TRPS1: variants seen among roughly 807,000 people sequenced by gnomAD.
TRPS1 encodes transcriptional repressor GATA binding 1, also known as zinc finger transcription factor Trps1.
Under a neutral mutation model 101.2 loss-of-function variants are expected in TRPS1, and 6 were observed. The observed-to-expected ratio is 0.06, with a 90% CI of 0.03 to 0.12. The LOEUF is 0.12. Among genes scored for constraint, TRPS1 ranks in the 10% least tolerant of loss-of-function variants. The probability of loss-of-function intolerance (pLI) is 1.00; values close to 1 mark genes in which losing one functional copy is unlikely to be tolerated. For missense variants in TRPS1, 1,363 were observed against 1,567.0 expected (o/e 0.87, Z 2.20); for synonymous variants, 578 against 589.8 (o/e 0.98, Z 0.29).
At chr8:115,432,939 T>A (rs1312244834) in intron 5 of TRPS1, among the ~76,000 whole-genome samples, 1 of 151,818 alleles carries the variant, frequency 6.6e-6, no homozygotes, top group African/African-American at 2.4e-5. Context: ...TACTAACGCA[T>A]GTGTATTCTT....
intron 1 of TRPS1, among the ~76,000 whole-genome samples, chr8:115,627,192 C>CT (rs1219228685): frequency 6.6e-6 from 1 of 151,680 alleles, no homozygotes; most frequent in Non-Finnish European, 1.5e-5. Flanking sequence ...ATTATTTTTC[C>CT]TTTCATAACC....
At chr8:115,440,646 T>G (rs1162480351) in intron 5 of TRPS1, among the ~76,000 whole-genome samples, 2 of 152,186 alleles carry the variant, frequency 1.3e-5, no homozygotes, top group Non-Finnish European at 2.9e-5. Context: ...CAGCAATAAG[T>G]CTTATAATAA....
chr8:115,518,769 A>C (rs1177075114), intron 5 of TRPS1, among the ~76,000 whole-genome samples: 1 of 151,836 alleles, frequency 6.6e-6, no homozygotes, highest in Non-Finnish European at 1.5e-5. Context: ...TAGAAGAGTA[A>C]AGGTGATATT....
In TRPS1 at chr8:115,517,553, C is replaced by A. The variant is rs1379317466; in HGVS notation, c.2700+69448G>T. Among the ~76,000 whole-genome samples, 3 of 56,792 alleles carry A rather than the reference C, an allele frequency of 5.3e-5. No homozygotes were observed. The Admixed American group carries it at 6.7e-4, about 13-fold the overall frequency. 37.3% of individuals were successfully genotyped at this position (56,792 alleles called of 152,430 possible). A position where few individuals can be genotyped will look rare whatever the true frequency, so the allele number is the denominator to read the frequency against. On this transcript the variant is annotated intron_variant, in intron 5 of 6. Coordinates refer to ENST00000395715, the MANE Select transcript of TRPS1 (RefSeq NM_014112.5). ...TAACATTAAAATAACATTATAACAA[C>A]AAAAATTGTTGTGAAAAGAAGTCCT...
At chr8:115,646,526 A>G (rs1819028007) in intron 1 of TRPS1, among the ~76,000 whole-genome samples, 1 of 152,218 alleles carries the variant, frequency 6.6e-6, no homozygotes, top group East Asian at 1.9e-4. Context: ...AATAAAACAA[A>G]AAGTTTAGAA....
At chr8:115,611,042 G>C (rs1378998436) in intron 3 of TRPS1, among the ~76,000 whole-genome samples, 3 of 151,600 alleles carry the variant, frequency 2.0e-5, no homozygotes, top group Non-Finnish European at 2.9e-5. Context: ...GCTTGAGCCT[G>C]GGGGGCGGAG....
chr8:115,423,808 T>C (rs1490204079), intron 5 of TRPS1, among the ~76,000 whole-genome samples: 3 of 152,208 alleles, frequency 2.0e-5, no homozygotes, highest in Middle Eastern at 3.2e-3. Context: ...AACCCAGATA[T>C]GACTTAAGAC....
intron 5 of TRPS1, among the ~76,000 whole-genome samples, chr8:115,480,568 A>G (rs532782823): frequency 3.3e-5 from 5 of 152,138 alleles, no homozygotes; most frequent in Non-Finnish European, 7.4e-5. Context: ...ATTTTAAGCT[A>G]CCATAGGTCA....
chr8:115,490,568 A>G (rs1048498167), intron 5 of TRPS1, among the ~76,000 whole-genome samples: 1 of 152,174 alleles, frequency 6.6e-6, no homozygotes, highest in African/African-American at 2.4e-5. Context: ...TAAACTTAGT[A>G]CAATAACCAA....
At chr8:115,616,989 A>T (rs1818290008) in intron 3 of TRPS1, among the ~76,000 whole-genome samples, 1 of 152,186 alleles carries the variant, frequency 6.6e-6, no homozygotes, top group Non-Finnish European at 1.5e-5. Flanking sequence ...TAAGTTACTT[A>T]TCTTCAGACA....
intron 5 of TRPS1, among the ~76,000 whole-genome samples, chr8:115,576,278 CATATAT>C (rs3071244): frequency 1.4e-5 from 2 of 144,244 alleles, no homozygotes; most frequent in Non-Finnish European, 3.0e-5. Flanking sequence ...ATTTGTAGTT[CATATAT>C]ATATATAGAT....
intron 5 of TRPS1, among the ~76,000 whole-genome samples, chr8:115,584,425 T>C (rs1434250778): frequency 1.3e-5 from 2 of 152,024 alleles, no homozygotes; most frequent in Non-Finnish European, 2.9e-5. Context: ...TATTTTATTG[T>C]TTCAAATATA....
At chr8:115,465,637 C>T (rs1304023457) in intron 5 of TRPS1, among the ~76,000 whole-genome samples, 1 of 152,060 alleles carries the variant, frequency 6.6e-6, no homozygotes, top group Non-Finnish European at 1.5e-5. Flanking sequence ...AGTCTGAACA[C>T]TTGAGAAGGA....
intron 5 of TRPS1, among the ~76,000 whole-genome samples, chr8:115,532,992 T>A (rs1031273676): frequency 6.6e-6 from 1 of 152,122 alleles, no homozygotes; most frequent in Non-Finnish European, 1.5e-5. Context: ...GCAGCTATTG[T>A]GAGAGTTTAG....
At chr8:115,545,309 C>A (rs1816545116) in intron 5 of TRPS1, among the ~76,000 whole-genome samples, 1 of 152,122 alleles carries the variant, frequency 6.6e-6, no homozygotes, top group Non-Finnish European at 1.5e-5. Context: ...AGTGTGGTAA[C>A]CTATCTAATT....
intron 4 of TRPS1, among the ~76,000 whole-genome samples, chr8:115,602,609 C>T (rs1424233029): frequency 1.3e-5 from 2 of 152,188 alleles, no homozygotes; most frequent in African/African-American, 4.8e-5. Context: ...TATTGTTGGA[C>T]ATGAACTGCT....
intron 4 of TRPS1, among the ~76,000 whole-genome samples, chr8:115,594,211 C>T (rs1028936481): frequency 1.3e-5 from 2 of 152,022 alleles, no homozygotes; most frequent in Non-Finnish European, 2.9e-5. Context: ...TTAAGCCAAA[C>T]TAATTTCAAA....
At chr8:115,493,341 T>A (rs1815073676) in intron 5 of TRPS1, among the ~76,000 whole-genome samples, 1 of 152,180 alleles carries the variant, frequency 6.6e-6, no homozygotes, top group Non-Finnish European at 1.5e-5. Flanking sequence ...TATTCTATCC[T>A]GTTTCTATTC....
chr8:115,499,975 T>A (rs1815272514), intron 5 of TRPS1, among the ~76,000 whole-genome samples: 1 of 146,252 alleles, frequency 6.8e-6, no homozygotes, highest in South Asian at 2.1e-4. Flanking sequence ...TTTCTTTTCT[T>A]TTCTTTTCTT....
Sources: allele counts gnomAD v4.1 joint callset (sites outside exome capture counted in the v4.1 genomes callset), GRCh38; gene constraint gnomAD v4.1.1; transcripts MANE v1.5; gene names NCBI Gene and HGNC (gene_info 2026-07-23, HGNC 2026-07-21).